COL3A1: variants seen among roughly 807,000 people sequenced by gnomAD.
COL3A1 encodes the protein collagen type III alpha 1 chain, also known as collagen alpha-1(III) chain.
In COL3A1, 46 loss-of-function variants were observed where a neutral mutation model predicts 200.9. That is an observed-to-expected ratio of 0.23 (90% CI 0.18 to 0.29). The LOEUF is 0.29. COL3A1 is among the 10% of genes least tolerant of loss of function. The pLI, the probability that COL3A1 is intolerant of heterozygous loss-of-function variation, is 1.00. For missense variants in COL3A1, 1,367 were observed against 1,917.6 expected (o/e 0.71, Z 5.36); for synonymous variants, 650 against 628.0 (o/e 1.03, Z -0.52).
intron 3 of COL3A1, 31 bp downstream of exon 3, chr2:188,985,278 T>C (rs754291325): frequency 1.3e-6 from 2 of 1,537,706 alleles, no homozygotes; most frequent in Non-Finnish European, 1.8e-6. Context: ...AGAATAAAAT[T>C]AATACTAATG....
chr2:188,987,965 A>G, intron 5 of COL3A1, 116 bp from the exon 6 acceptor site: 1 of 800,298 alleles, frequency 1.2e-6, no homozygotes. Flanking sequence ...AAAGTTATCA[A>G]AAGATGAGAT....
At chr2:189,003,568 T>C (rs1045901560) in intron 37 of COL3A1, 104 bp downstream of exon 37, 37 of 1,369,340 alleles carry the variant, frequency 2.7e-5, no homozygotes, top group Non-Finnish European at 3.5e-5. Flanking sequence ...ATGTAAAAAT[T>C]GTAATCGCTC....
At chr2:188,981,707 C>T (rs1170079867) in intron 1 of COL3A1, among the ~76,000 whole-genome samples, 2 of 151,438 alleles carry the variant, frequency 1.3e-5, no homozygotes, top group Admixed American at 6.6e-5. Flanking sequence ...TTTTATTCCT[C>T]TAGAAACAAA....
Position 188,989,264 on chromosome 2 carries a change from C to A in COL3A1, c.637-132C>A, listed in dbSNP as rs945122102. Reference sequence around the variant, plus strand: ...GGTATAATATTAACTCAGTAAGTATCATTTTCATTATCAGAAACATTAAAA... The same window carrying A: ...GGTATAATATTAACTCAGTAAGTATAATTTTCATTATCAGAAACATTAAAA... On this transcript the variant is annotated intron_variant, in intron 7 of 50. Transcript: ENST00000304636. 9.1e-6 allele frequency: 6 copies of A among 660,786 alleles called. No individual in the cohort carries two copies. The African/African-American group carries it at 1.1e-4, about 12-fold the overall frequency. The allele number at this position is 660,786 out of a possible 1,614,324, so 40.9% of individuals were successfully genotyped here. A position where few individuals can be genotyped will look rare whatever the true frequency, so the allele number is the denominator to read the frequency against.
At position 189,001,438 on chromosome 2, in the gene COL3A1, G is replaced by T; in HGVS notation, c.2325G>T (p.Gln775His). The T allele has an allele frequency of 1.9e-6, 3 of 1,614,064 alleles. No individual in the cohort carries two copies. The highest frequency in any genetic ancestry group is 2.5e-6 in the Non-Finnish European group (3 of 1,179,940). Residue 775 changes from glutamine (Q) to histidine (H), a missense_variant, in exon 33 of 51, where the codon CAG becomes CAT. Physicochemically the swap from Gln to His is conservative, Grantham distance 24. Transcript: ENST00000304636. Reference sequence around the variant, plus strand: ...TTGGTCCTCCTGGCCCAGCTGGCCAGCCTGGAGATAAGGTAACCCTTAATA... The same window carrying T: ...TTGGTCCTCCTGGCCCAGCTGGCCATCCTGGAGATAAGGTAACCCTTAATA... ...GPIGPPGPAG[Q>H]PGDKGEGGAP...
Position 188,994,892 on chromosome 2 carries a change from C to G in COL3A1, c.1455+61C>G. 1 of 1,589,864 alleles carries G rather than the reference C, an allele frequency of 6.3e-7. No individual in the cohort carries two copies. The highest frequency in any genetic ancestry group is 8.6e-7 in the Non-Finnish European group (1 of 1,159,144). Reference sequence around the variant, plus strand: ...CATCACTGTCATCTAAATAAAACTACCTTCAGGGTGAGACAGCCAATTTTT... The same window carrying G: ...CATCACTGTCATCTAAATAAAACTAGCTTCAGGGTGAGACAGCCAATTTTT... On this transcript the variant is annotated intron_variant, in intron 20 of 50. Transcript: ENST00000304636. The surrounding 1 kb of genome is among the most constrained non-coding windows in gnomAD (Gnocchi z 4.5).
intron 28 of COL3A1, 75 bp from the exon 29 acceptor site, chr2:188,998,599 A>G (rs1688382345): frequency 7.1e-7 from 1 of 1,411,886 alleles, no homozygotes; most frequent in Non-Finnish European, 1.0e-6. Context: ...ATATTTGCTT[A>G]TATTTACATA....
intron 35 of COL3A1, among the ~76,000 whole-genome samples, chr2:189,002,681 T>C (rs917270811): frequency 1.3e-5 from 2 of 152,192 alleles, no homozygotes; most frequent in African/African-American, 4.8e-5. Flanking sequence ...CAAAAAAATT[T>C]ACTGGTGCTG....
intron 1 of COL3A1, among the ~76,000 whole-genome samples, chr2:188,978,426 C>A (rs970260621): frequency 2.0e-5 from 3 of 151,950 alleles, no homozygotes; most frequent in East Asian, 1.9e-4. Flanking sequence ...ACATGCTGGA[C>A]CTTGAGTTGT....
rs1212139297 is a variant in COL3A1, at chr2:188,994,110, T to C, written c.1194+28T>C. ...AAGCTGTCCCCACTCCTCAGCCTTA[T>C]CTCATCCACACATTACTGGCTTCTT... On this transcript the variant is annotated intron_variant, in intron 17 of 50. Transcript: ENST00000304636. This position sits in a 1 kb window ranked among gnomAD's most constrained non-coding sequence, Gnocchi z 4.5. The C allele has an allele frequency of 6.2e-7, 1 of 1,613,986 alleles. No individual in the cohort carries two copies. The highest frequency in any genetic ancestry group is 2.2e-5 in the East Asian group (1 of 44,882).
At chr2:188,998,637 C>A in intron 28 of COL3A1, 37 bp from the exon 29 acceptor site, 1 of 1,601,690 alleles carries the variant, frequency 6.2e-7, no homozygotes, top group Non-Finnish European at 8.6e-7. Flanking sequence ...AAAATGCACT[C>A]TGATATGGGC....
intron 1 of COL3A1, among the ~76,000 whole-genome samples, chr2:188,976,232 G>T (rs766463982): frequency 1.3e-5 from 2 of 152,086 alleles, no homozygotes; most frequent in Admixed American, 6.6e-5. Flanking sequence ...TTGCCTCGTG[G>T]TTGCAAGCTT....
chr2:189,006,374 T>C lies in COL3A1; in HGVS notation c.3123T>C (p.Gly1041=), dbSNP rs749847339. The C allele has an allele frequency of 6.2e-7, 1 of 1,614,210 alleles. No homozygotes were observed. Among genetic ancestry groups the C allele is most frequent in the South Asian group, 1.1e-5 (1 of 91,076 alleles). Residue 1041 remains glycine, a synonymous_variant, in exon 43 of 51, where the codon GGT becomes GGC. Transcript: ENST00000304636. The part of the protein sequence containing the change: ...KGDRGENGSP[G]APGAPGHPGP... ...ATCGTGGTGAAAATGGCTCTCCTGG[T>C]GCCCCTGGCGCTCCTGGTCATCCAG...
chr2:188,993,958 T>C, intron 16 of COL3A1, 80 bp from the exon 17 acceptor site: 1 of 1,368,068 alleles, frequency 7.3e-7, no homozygotes, highest in Non-Finnish European at 1.0e-6. Context: ...TCGATACATT[T>C]ATTTTCACAC....
At chr2:188,998,542 T>G (rs1257476404) in intron 28 of COL3A1, 132 bp from the exon 29 acceptor site, 5 of 1,050,788 alleles carry the variant, frequency 4.8e-6, no homozygotes, top group African/African-American at 1.6e-5. Context: ...ATTTGAAAAA[T>G]TATACAGTAT....
chr2:189,002,259 A>G (rs779736541), intron 34 of COL3A1, 39 bp from the exon 35 acceptor site: 1 of 1,544,976 alleles, frequency 6.5e-7, no homozygotes, highest in African/African-American at 1.4e-5. Context: ...GAGATGACGC[A>G]CACTTCACTG....
chr2:188,985,098 A>G (rs2153501394), intron 2 of COL3A1, 99 bp from the exon 3 acceptor site: 1 of 1,432,188 alleles, frequency 7.0e-7, no homozygotes, highest in East Asian at 2.3e-5. Flanking sequence ...GTAAAAAGTG[A>G]CCGTTTCAAT....
intron 35 of COL3A1, 134 bp downstream of exon 35, chr2:189,002,485 C>T (rs942259954): frequency 5.1e-6 from 4 of 779,788 alleles, no homozygotes; most frequent in Non-Finnish European, 8.9e-6. Context: ...TATTGTACCC[C>T]TATTTTGTTT....
At chr2:189,011,237 A>T (rs993924655) in intron 50 of COL3A1, among the ~76,000 whole-genome samples, 12 of 152,246 alleles carry the variant, frequency 7.9e-5, no homozygotes, top group African/African-American at 2.9e-4. Context: ...GGTTAACTTC[A>T]AATCTCTCAT....
Sources: gnomAD v4.1 joint callset for allele counts (sites outside exome capture counted in the v4.1 genomes callset) on GRCh38, gnomAD v4.1.1 for gene constraint, Gnocchi (gnomAD v3.1) non-coding constraint, MANE v1.5 for transcripts, NCBI Gene and HGNC (gene_info 2026-07-23, HGNC 2026-07-21) for gene names.